GNAQ: variants seen among roughly 807,000 people sequenced by gnomAD.
The protein encoded by GNAQ is guanine nucleotide-binding protein G(q) subunit alpha.
GNAQ carries 8 observed loss-of-function variants against 43.9 expected under a neutral mutation model. The ratio of observed to expected loss-of-function variants is 0.18; its 90% confidence interval spans 0.11 to 0.33. The LOEUF is 0.33. GNAQ is among the 10% of genes least tolerant of loss of function. The pLI, the probability that GNAQ is intolerant of heterozygous loss-of-function variation, is 1.00. For synonymous variants in GNAQ, 155 were observed against 170.7 expected, an observed-to-expected ratio of 0.91 and a Z score of 0.71; for missense variants, 158 against 450.8, an observed-to-expected ratio of 0.35 and a Z score of 5.88.
intron 5 of GNAQ, among the ~76,000 whole-genome samples, chr9:77,775,078 G>A (rs1395227362): frequency 9.2e-5 from 14 of 152,022 alleles, no homozygotes; most frequent in Non-Finnish European, 1.9e-4. Flanking sequence ...TATCATGAGC[G>A]ACTTTCTGTC....
intron 1 of GNAQ, among the ~76,000 whole-genome samples, chr9:77,937,168 C>T (rs1034175538): frequency 2.0e-5 from 3 of 152,110 alleles, no homozygotes; most frequent in Non-Finnish European, 2.9e-5. Context: ...TCTGGCCAGA[C>T]GTGGTGCCTC....
intron 2 of GNAQ, among the ~76,000 whole-genome samples, chr9:77,893,961 C>T (rs1291513921): frequency 2.0e-5 from 3 of 152,036 alleles, no homozygotes; most frequent in Admixed American, 1.3e-4. Context: ...GCTAAACTCT[C>T]GAAATACATT....
chr9:77,762,152 C>T (rs1826045014), intron 5 of GNAQ, among the ~76,000 whole-genome samples: 1 of 136,638 alleles, frequency 7.3e-6, no homozygotes. Context: ...CGGCCAGCCG[C>T]CCCGTCCGGG....
At chr9:77,734,021 T>G (rs1825535420) in intron 5 of GNAQ, among the ~76,000 whole-genome samples, 1 of 152,150 alleles carries the variant, frequency 6.6e-6, no homozygotes, top group African/African-American at 2.4e-5. Context: ...GGCACAAATC[T>G]CCGCATAACA....
At chr9:77,987,465 T>C (rs1346964112) in intron 1 of GNAQ, among the ~76,000 whole-genome samples, 3 of 152,224 alleles carry the variant, frequency 2.0e-5, no homozygotes, top group Admixed American at 2.0e-4. Flanking sequence ...AGAAAAGGAC[T>C]GGACACCACT....
At chr9:77,888,812 A>AT (rs1201846999) in intron 2 of GNAQ, among the ~76,000 whole-genome samples, 1 of 151,890 alleles carries the variant, frequency 6.6e-6, no homozygotes, top group Non-Finnish European at 1.5e-5. Context: ...TTCACTAACA[A>AT]TTAGTCTAGC....
chr9:77,743,279 A>C (rs1825680660), intron 5 of GNAQ, among the ~76,000 whole-genome samples: 1 of 151,518 alleles, frequency 6.6e-6, no homozygotes, highest in Admixed American at 6.6e-5. Flanking sequence ...AAAAACAAAC[A>C]AACAAACAAA....
chr9:77,981,604 T>C (rs1023126423), intron 1 of GNAQ, among the ~76,000 whole-genome samples: 1 of 152,212 alleles, frequency 6.6e-6, no homozygotes, highest in Non-Finnish European at 1.5e-5. Context: ...CTATTTTGCA[T>C]GCAACCAAAA....
intron 2 of GNAQ, among the ~76,000 whole-genome samples, chr9:77,883,842 TC>T (rs1828258327): frequency 6.6e-6 from 1 of 152,218 alleles, no homozygotes; most frequent in Non-Finnish European, 1.5e-5. Flanking sequence ...TAGTCTCTGT[TC>T]CCTGTTCATT....
chr9:78,030,281 C>T (rs1048262782), intron 1 of GNAQ, among the ~76,000 whole-genome samples: 1 of 152,160 alleles, frequency 6.6e-6, no homozygotes, highest in Non-Finnish European at 1.5e-5. Context: ...ATACCGGTCG[C>T]TGTCAACAAC....
At chr9:77,813,599 T>C (rs1463639389) in intron 3 of GNAQ, among the ~76,000 whole-genome samples, 1 of 152,160 alleles carries the variant, frequency 6.6e-6, no homozygotes, top group African/African-American at 2.4e-5. Context: ...CTCAAGAACA[T>C]ATCCATAGTC....
At chr9:77,960,013 C>T (rs972750047) in intron 1 of GNAQ, among the ~76,000 whole-genome samples, 2 of 152,258 alleles carry the variant, frequency 1.3e-5, no homozygotes, top group South Asian at 4.2e-4. Context: ...AAATGGATTC[C>T]TTGCCTCTTC....
intron 2 of GNAQ, among the ~76,000 whole-genome samples, chr9:77,879,209 A>G (rs1484845737): frequency 3.3e-5 from 5 of 152,198 alleles, no homozygotes; most frequent in Non-Finnish European, 5.9e-5. Context: ...TATTTTTTAA[A>G]AAATTGTCTG....
chr9:77,944,172 A>C (rs1190677767), intron 1 of GNAQ, among the ~76,000 whole-genome samples: 1 of 152,152 alleles, frequency 6.6e-6, no homozygotes, highest in African/African-American at 2.4e-5. Flanking sequence ...TATCTGGCTA[A>C]TGGCAATACT....
chr9:77,982,073 G>T lies in GNAQ; in HGVS notation c.136+49027C>A, dbSNP rs140530136. On this transcript the variant is annotated intron_variant, in intron 1 of 6. Coordinates refer to ENST00000286548, the MANE Select transcript of GNAQ (RefSeq NM_002072.5). ...TCACATCAAGCCATCCCAGGCCAAT[G>T]ACTAGCCAACCTACTGCTAATTCTT... Among the ~76,000 whole-genome samples the T allele has an allele frequency of 1.6e-3, 243 of 152,304 alleles. 1 individual carries two copies. Among genetic ancestry groups the T allele is most frequent in the African/African-American group, 5.6e-3 (231 of 41,556 alleles).
chr9:77,972,084 T>A (rs1242700560), intron 1 of GNAQ, among the ~76,000 whole-genome samples: 5 of 152,060 alleles, frequency 3.3e-5, no homozygotes, highest in Non-Finnish European at 5.9e-5. Context: ...AAATGTACAA[T>A]CGTGTCATCT....
chr9:77,717,753 T>G lies in GNAQ; in HGVS notation c.*3570A>C, dbSNP rs1381761480. On this transcript the variant is annotated 3_prime_UTR_variant, in exon 7 of 7. Coordinates refer to ENST00000286548, the MANE Select transcript of GNAQ (RefSeq NM_002072.5). Reference sequence around the variant, plus strand: ...TACCAAAAAAAAAAAAATACAAGTTTTACGTGTTCTTCAGATTCCTTTTGT... The same window carrying G: ...TACCAAAAAAAAAAAAATACAAGTTGTACGTGTTCTTCAGATTCCTTTTGT... The G allele has an allele frequency of 4.3e-6, 1 of 232,464 alleles. No homozygotes were observed. The highest frequency in any genetic ancestry group is 2.2e-5 in the African/African-American group (1 of 45,308). 14.4% of individuals were successfully genotyped at this position (232,464 alleles called of 1,614,324 possible). A position where few individuals can be genotyped will look rare whatever the true frequency, so the allele number is the denominator to read the frequency against.
At chr9:77,731,345 A>G (rs1386527972) in intron 5 of GNAQ, among the ~76,000 whole-genome samples, 1 of 152,166 alleles carries the variant, frequency 6.6e-6, no homozygotes, top group Non-Finnish European at 1.5e-5. Flanking sequence ...TGTTCCAGAG[A>G]CAACTTGCCC....
chr9:77,721,560 A>C (rs1825315248), intron 6 of GNAQ, 47 bp from the exon 7 acceptor site: 1 of 1,089,974 alleles, frequency 9.2e-7, no homozygotes. Context: ...TAATCTGCTA[A>C]TGTATTCAAT....
Sources: gnomAD v4.1 joint callset for allele counts (sites outside exome capture counted in the v4.1 genomes callset) on GRCh38, gnomAD v4.1.1 for gene constraint, MANE v1.5 for transcripts, NCBI Gene and HGNC (gene_info 2026-07-23, HGNC 2026-07-21) for gene names.